Variants in CCDC7 observed in about 807,000 individuals in gnomAD.
CCDC7 encodes coiled-coil domain containing 7.
CCDC7 carries 183 observed loss-of-function variants against 196.9 expected under a neutral mutation model. The observed-to-expected ratio is 0.93, with a 90% CI of 0.82 to 1.05. The LOEUF (loss-of-function observed/expected upper bound fraction) is 1.05, where lower values mean the gene tolerates loss of function less well. CCDC7 is among the 50% of genes least tolerant of loss of function. The pLI is 0.00. For missense variants in CCDC7, 1,540 were observed against 1,482.2 expected (o/e 1.04, Z -0.64); for synonymous variants, 525 against 484.6 (o/e 1.08, Z -1.10).
intron 33 of CCDC7, among the ~76,000 whole-genome samples, chr10:32,844,495 G>A (rs1293212085): frequency 6.6e-6 from 1 of 151,908 alleles, no homozygotes; most frequent in Non-Finnish European, 1.5e-5. Flanking sequence ...CTCTGTGACT[G>A]TGGAGACCAT....
intron 28 of CCDC7, among the ~76,000 whole-genome samples, chr10:32,738,201 T>G (rs2085195472): frequency 6.6e-6 from 1 of 152,144 alleles, no homozygotes; most frequent in Admixed American, 6.6e-5. Flanking sequence ...TTTCCTAAAA[T>G]TTTGTATAGT....
In CCDC7 at chr10:32,662,212, C is replaced by T. The variant is rs60147699; in HGVS notation, c.2015-1842C>T. On this transcript the variant is annotated intron_variant, in intron 20 of 41. Transcript: ENST00000639629. ...ACAAATAATTTCTCTCTGCACCAGG[C>T]GGACACTGCTGAGCAATGGGGGAGG... is the stretch of plus-strand genomic sequence containing the variant. Among the ~76,000 whole-genome samples, 91 of 152,188 alleles carry T rather than the reference C, an allele frequency of 6.0e-4. 2 individuals are homozygous for T. In the East Asian group the frequency reaches 0.014, roughly 24 times the overall value.
intron 8 of CCDC7, among the ~76,000 whole-genome samples, chr10:32,476,562 A>G (rs1237411531): frequency 2.0e-5 from 3 of 151,784 alleles, no homozygotes; most frequent in African/African-American, 4.8e-5. Context: ...TTTCAGCTCA[A>G]TTGGGTAAAC....
intron 20 of CCDC7, among the ~76,000 whole-genome samples, chr10:32,651,053 T>C (rs915676306): frequency 6.6e-6 from 1 of 152,118 alleles, no homozygotes; most frequent in African/African-American, 2.4e-5. Flanking sequence ...TGGATGCTTA[T>C]GGCTGAGCTT....
chr10:32,478,335 A>C (rs545135772), intron 8 of CCDC7, among the ~76,000 whole-genome samples: 2 of 152,150 alleles, frequency 1.3e-5, no homozygotes, highest in Non-Finnish European at 2.9e-5. Context: ...TAGGACTTCC[A>C]GTATGATGTT....
At chr10:32,865,901 G>C (rs1404261893) in intron 41 of CCDC7, among the ~76,000 whole-genome samples, 1 of 151,790 alleles carries the variant, frequency 6.6e-6, no homozygotes, top group Admixed American at 6.6e-5. Context: ...TAAATATGGA[G>C]AGAGGAATGA....
At chr10:32,652,874 G>A (rs942552378) in intron 20 of CCDC7, among the ~76,000 whole-genome samples, 2 of 151,990 alleles carry the variant, frequency 1.3e-5, no homozygotes, top group African/African-American at 4.8e-5. Flanking sequence ...AATTTGTATT[G>A]TTTCTATTAG....
At chr10:32,557,193 T>A (rs2054500456) in intron 13 of CCDC7, among the ~76,000 whole-genome samples, 1 of 152,228 alleles carries the variant, frequency 6.6e-6, no homozygotes, top group Middle Eastern at 3.4e-3. Flanking sequence ...GGCTTTCATT[T>A]TTTTCTGCTG....
At chr10:32,516,787 A>G (rs962089423) in intron 9 of CCDC7, among the ~76,000 whole-genome samples, 2 of 152,252 alleles carry the variant, frequency 1.3e-5, no homozygotes, top group African/African-American at 4.8e-5. Context: ...CAGAGTCTGC[A>G]TATGATTCAG....
At chr10:32,669,342 T>G (rs568681021) in intron 21 of CCDC7, among the ~76,000 whole-genome samples, 1 of 152,216 alleles carries the variant, frequency 6.6e-6, no homozygotes, top group South Asian at 2.1e-4. Context: ...ATATTGGCCT[T>G]TGTCTTTTCT....
intron 24 of CCDC7, among the ~76,000 whole-genome samples, chr10:32,710,802 G>A (rs1326135353): frequency 6.6e-6 from 1 of 152,186 alleles, no homozygotes; most frequent in Non-Finnish European, 1.5e-5. Flanking sequence ...ACAGTCATTT[G>A]TTACCAGGGG....
At chr10:32,605,640 A>C (rs951011863) in intron 18 of CCDC7, among the ~76,000 whole-genome samples, 1 of 152,196 alleles carries the variant, frequency 6.6e-6, no homozygotes, top group African/African-American at 2.4e-5. Flanking sequence ...GTATTTTGTC[A>C]CACCCTAGGG....
intron 28 of CCDC7, among the ~76,000 whole-genome samples, chr10:32,763,250 G>A (rs1338706339): frequency 6.6e-6 from 1 of 151,834 alleles, no homozygotes; most frequent in Non-Finnish European, 1.5e-5. Flanking sequence ...ATGGTCAACA[G>A]GCATATGAAA....
At chr10:32,480,039 A>G (rs925341339) in intron 8 of CCDC7, among the ~76,000 whole-genome samples, 1 of 151,724 alleles carries the variant, frequency 6.6e-6, no homozygotes, top group Non-Finnish European at 1.5e-5. Flanking sequence ...TTGTGGTATC[A>G]GTTATTATGT....
rs1432155591 is a variant in CCDC7 at position 32,681,746 on chromosome 10, C to T, written c.2123-4224C>T. 6.5e-5 allele frequency among the ~76,000 whole-genome samples: 7 copies of T among 108,386 alleles called. No homozygotes were observed. The South Asian group carries it at 1.8e-3, about 29-fold the overall frequency. 71.1% of individuals were successfully genotyped at this position (108,386 alleles called of 152,430 possible). A position where few individuals can be genotyped will look rare whatever the true frequency, so the allele number is the denominator to read the frequency against. ...CAGTGTATTTATATGTATACACACA[C>T]ACACACACACACACACACACACACA... On this transcript the variant is annotated intron_variant, in intron 21 of 41. Transcript: ENST00000639629.
chr10:32,537,428 T>C (rs2050701152), intron 11 of CCDC7, among the ~76,000 whole-genome samples: 4 of 152,180 alleles, frequency 2.6e-5, no homozygotes, highest in Non-Finnish European at 5.9e-5. Flanking sequence ...TTACAAATAT[T>C]TTCTCCCAAT....
chr10:32,534,591 C>CTCTT (rs1184939349), intron 11 of CCDC7, among the ~76,000 whole-genome samples: 2 of 152,000 alleles, frequency 1.3e-5, no homozygotes, highest in Non-Finnish European at 2.9e-5. Context: ...TTTGGGGGTG[C>CTCTT]TCTTGGTGGC....
At chr10:32,714,119 A>G (rs1472200718) in intron 25 of CCDC7, among the ~76,000 whole-genome samples, 1 of 152,214 alleles carries the variant, frequency 6.6e-6, no homozygotes, top group Admixed American at 6.5e-5. Flanking sequence ...CAAGATGGCC[A>G]AATAGGAACA....
Position 32,501,660 on chromosome 10 carries a change from C to T in CCDC7, c.872+9663C>T, listed in dbSNP as rs113739607. 5.8e-4 allele frequency among the ~76,000 whole-genome samples: 89 copies of T among 152,286 alleles called. 1 individual carries two copies. Among genetic ancestry groups the T allele is most frequent in the African/African-American group, 2.0e-3 (85 of 41,564 alleles). On this transcript the variant is annotated intron_variant, in intron 9 of 41. Transcript: ENST00000639629. ...CCAGACCCTGTTTGCCTGGGTATCA[C>T]CAGCAGAGGCTGTAGAACAACAAAG...
Sources: gnomAD v4.1 joint callset for allele counts (sites outside exome capture counted in the v4.1 genomes callset) on GRCh38, gnomAD v4.1.1 for gene constraint, MANE v1.5 for transcripts, NCBI Gene and HGNC (gene_info 2026-07-23, HGNC 2026-07-21) for gene names.